UHRF2: variants seen among roughly 807,000 people sequenced by gnomAD.
UHRF2 encodes ubiquitin like with PHD and ring finger domains 2.
In UHRF2, 23 loss-of-function variants were observed where a neutral mutation model predicts 96.8. That is an observed-to-expected ratio of 0.24 (90% CI 0.17 to 0.34). The LOEUF is 0.34. Ranked by LOEUF, UHRF2 falls within the 10% of genes least tolerant of loss-of-function variation. The pLI is 1.00. For synonymous variants in UHRF2, 385 were observed against 332.6 expected, an observed-to-expected ratio of 1.16 and a Z score of -1.72; for missense variants, 685 against 981.5, an observed-to-expected ratio of 0.70 and a Z score of 4.04.
At chr9:6,482,881 G>A (rs1162250974) in intron 8 of UHRF2, among the ~76,000 whole-genome samples, 2 of 152,080 alleles carry the variant, frequency 1.3e-5, no homozygotes, top group Non-Finnish European at 1.5e-5. Context: ...CACTGCGCCC[G>A]GCCTGGCTTT....
At chr9:6,427,119 A>G (rs1387523059) in intron 2 of UHRF2, among the ~76,000 whole-genome samples, 1 of 152,188 alleles carries the variant, frequency 6.6e-6, no homozygotes, top group Non-Finnish European at 1.5e-5. Flanking sequence ...TAGTTAATAT[A>G]TAAAAACTTT....
chr9:6,457,833 C>G (rs563450791), intron 3 of UHRF2, among the ~76,000 whole-genome samples: 1 of 152,280 alleles, frequency 6.6e-6, no homozygotes, highest in African/African-American at 2.4e-5. Flanking sequence ...GTTGAACCAG[C>G]CTTGCATCCC....
intron 1 of UHRF2, chr9:6,413,928 A>G (rs1819437448): frequency 7.4e-6 from 2 of 271,366 alleles, no homozygotes; most frequent in Non-Finnish European, 6.9e-6. Context: ...CAGCGGCCGT[A>G]GGCACTGGGT....
chr9:6,444,841 A>C (rs865892912), intron 3 of UHRF2, among the ~76,000 whole-genome samples: 2 of 152,070 alleles, frequency 1.3e-5, no homozygotes, highest in Non-Finnish European at 2.9e-5. Context: ...ACCTTAGGTG[A>C]TTGACCTGCC....
chr9:6,489,894 C>T (rs759945081), intron 9 of UHRF2, among the ~76,000 whole-genome samples: 5 of 151,860 alleles, frequency 3.3e-5, no homozygotes, highest in Admixed American at 1.3e-4. Context: ...TTCTGAAAGG[C>T]GGATTTGGCA....
At chr9:6,461,791 G>C (rs1822558839) in intron 4 of UHRF2, among the ~76,000 whole-genome samples, 1 of 152,012 alleles carries the variant, frequency 6.6e-6, no homozygotes, top group African/African-American at 2.4e-5. Context: ...TTCTGTGTCT[G>C]CTGCTTCTGA....
rs529995441 is a variant in UHRF2, at chr9:6,498,007, T to C, written c.1768-11T>C. On this transcript the variant is annotated splice_polypyrimidine_tract_variant and intron_variant, in intron 11 of 15. Coordinates refer to ENST00000276893, the MANE Select transcript of UHRF2 (RefSeq NM_152896.3). ...TAAATCTCAAACTGGCACTGAAATA[T>C]TGTGATTTAGGTGGTGAAATACTGG... 4.3e-6 allele frequency: 7 copies of C among 1,611,234 alleles called. No homozygotes were observed. In the African/African-American group the frequency reaches 5.3e-5, roughly 12 times the overall value.
chr9:6,505,223 C>G (rs1383056599), intron 15 of UHRF2, among the ~76,000 whole-genome samples: 1 of 151,832 alleles, frequency 6.6e-6, no homozygotes, highest in African/African-American at 2.4e-5. Context: ...CGAGTTTGTG[C>G]CTGATCTTGA....
At chr9:6,463,995 T>C (rs1420999224) in intron 4 of UHRF2, among the ~76,000 whole-genome samples, 4 of 152,206 alleles carry the variant, frequency 2.6e-5, no homozygotes, top group Non-Finnish European at 5.9e-5. Context: ...TACTAGGTTG[T>C]AGAACCTGTG....
intron 3 of UHRF2, among the ~76,000 whole-genome samples, chr9:6,445,656 C>G (rs1821442636): frequency 6.6e-6 from 1 of 152,160 alleles, no homozygotes; most frequent in Non-Finnish European, 1.5e-5. Context: ...CTCCTGGGTT[C>G]AAGTGATCCT....
rs546347788 is a variant in UHRF2, at chr9:6,440,812, G to A, written c.644+6639G>A. On this transcript the variant is annotated intron_variant, in intron 3 of 15. Transcript: ENST00000276893. ...ACCCTGGCTACACATTGTCTAGGAA[G>A]TTTTCAAAATAATCGGTGCATGAGA... 1.4e-3 allele frequency among the ~76,000 whole-genome samples: 217 copies of A among 152,272 alleles called. 2 individuals carry two copies. The highest frequency in any genetic ancestry group is 5.0e-3 in the African/African-American group (207 of 41,554).
rs758405553 is a variant in UHRF2, at chr9:6,413,652, C to A, written c.153+9C>A. ...TCTACCGGGGCAAGCAGGTGAGGCG[C>A]GCCCGCCGCGCCCCTAGCGAGGCTG... On this transcript the variant is annotated intron_variant, in intron 1 of 15. Transcript: ENST00000276893. 6.5e-7 allele frequency: 1 copy of A among 1,549,690 alleles called. No homozygotes were observed.
At chr9:6,431,818 C>T (rs534988896) in intron 2 of UHRF2, among the ~76,000 whole-genome samples, 1 of 152,158 alleles carries the variant, frequency 6.6e-6, no homozygotes. Flanking sequence ...TTTGTGCCGC[C>T]TCGTGTTCCT....
At position 6,420,981 on chromosome 9, in the gene UHRF2, C is replaced by G; in HGVS notation, c.223C>G (p.Pro75Ala). 1.9e-6 allele frequency: 3 copies of G among 1,613,506 alleles called. No individual in the cohort carries two copies. The highest frequency in any genetic ancestry group is 1.7e-6 in the Non-Finnish European group (2 of 1,179,866). The change falls in exon 2 of 16, where the codon CCA becomes GCA. Residue 75 changes from proline (P) to alanine (A), a missense_variant. Around this residue, in one of 6 missense-constraint regions of UHRF2, gnomAD observed 391 missense variants for 437.0 expected, o/e 0.89. Coordinates refer to ENST00000276893, the MANE Select transcript of UHRF2 (RefSeq NM_152896.3). Reference protein sequence around the residue: ...LNDIIQLLVRPDPDHLPGTST... With the variant: ...LNDIIQLLVRADPDHLPGTST... ...TGATATAATTCAGCTGCTAGTTCGCCCAGACCCTGATCATCTTCCTGGCAC... is the reference window on the plus strand; with the variant it reads ...TGATATAATTCAGCTGCTAGTTCGCGCAGACCCTGATCATCTTCCTGGCAC...
rs1265091283 is a variant in UHRF2 at position 6,506,306 on chromosome 9, C to T, written c.*127C>T. ...TTCTGAAGCAGCTAATCCTCTTTCCCACATAGCCATCATCTTGTGTGTGTA... is the reference window on the plus strand; with the variant it reads ...TTCTGAAGCAGCTAATCCTCTTTCCTACATAGCCATCATCTTGTGTGTGTA... On this transcript the variant is annotated 3_prime_UTR_variant, in exon 16 of 16. Transcript: ENST00000276893. 13 of 1,224,526 alleles carry T rather than the reference C, an allele frequency of 1.1e-5. No homozygotes were observed. The South Asian group carries it at 1.7e-4, about 16-fold the overall frequency. 75.9% of individuals were successfully genotyped at this position (1,224,526 alleles called of 1,614,324 possible).
At chr9:6,434,277 T>C in intron 3 of UHRF2, 104 bp downstream of exon 3, 1 of 1,362,318 alleles carries the variant, frequency 7.3e-7, no homozygotes, top group Non-Finnish European at 9.8e-7. Flanking sequence ...AGAAATCCTT[T>C]AGAGGTTATG....
At chr9:6,482,218 A>T in intron 8 of UHRF2, 119 bp downstream of exon 8, 2 of 864,684 alleles carry the variant, frequency 2.3e-6, no homozygotes, top group Admixed American at 2.2e-5. Context: ...AGAATGAAAT[A>T]TATTTTTTAG....
Position 6,498,502 on chromosome 9 carries a change from A to AG in UHRF2, c.1908+349dup, listed in dbSNP as rs574792274. 8.6e-3 allele frequency: 1,454 copies of AG among 168,788 alleles called. 11 individuals are homozygous for AG. Among genetic ancestry groups the AG allele is most frequent in the Non-Finnish European group, 0.013 (1,016 of 79,378 alleles). The allele number at this position is 168,788 out of a possible 1,614,324, so 10.5% of individuals were successfully genotyped here. On this transcript the variant is annotated intron_variant, in intron 12 of 15. Transcript: ENST00000276893. ...AAAGGACATTTATCCTAGAGGGCAC[A>AG]GGGGGTGTCTCTCTGGTAGGGGAAG...
chr9:6,499,828 C>CA lies in UHRF2; in HGVS notation c.1909-7_1909-6insA. Reference sequence around the variant, plus strand: ...GCATTGTACTCTCCCTCCTCCCCCCCCATCAGTATCCAGCAGGTTACCCTT... The same window carrying CA: ...GCATTGTACTCTCCCTCCTCCCCCCCACATCAGTATCCAGCAGGTTACCCTT... On this transcript the variant is annotated splice_region_variant and splice_polypyrimidine_tract_variant and intron_variant, in intron 12 of 15. Transcript: ENST00000276893. 6.3e-7 allele frequency: 1 copy of CA among 1,599,090 alleles called. No homozygotes were observed. The highest frequency in any genetic ancestry group is 8.5e-7 in the Non-Finnish European group (1 of 1,170,092).
Sources: gnomAD v4.1 joint callset for allele counts (sites outside exome capture counted in the v4.1 genomes callset) on GRCh38, gnomAD v4.1.1 for gene constraint, gnomAD v4.1.1 regional missense constraint, MANE v1.5 for transcripts, NCBI Gene and HGNC (gene_info 2026-07-23, HGNC 2026-07-21) for gene names.